ADCY2: variants seen among roughly 807,000 people sequenced by gnomAD.
ADCY2 encodes adenylate cyclase type 2.
In ADCY2, 31 loss-of-function variants were observed where a neutral mutation model predicts 125.2. The ratio of observed to expected loss-of-function variants is 0.25; its 90% CI spans 0.19 to 0.33. The LOEUF (loss-of-function observed/expected upper bound fraction) is 0.33. Among genes scored for constraint, ADCY2 ranks in the 10% least tolerant of loss-of-function variants. The pLI, the probability that ADCY2 is intolerant of heterozygous loss-of-function variation, is 1.00. For synonymous variants in ADCY2, 512 were observed against 548.4 expected, an observed-to-expected ratio of 0.93 and a Z score of 0.93; for missense variants, 904 against 1,418.2, an observed-to-expected ratio of 0.64 and a Z score of 5.82.
chr5:7,629,775 GA>G (rs1157864921), intron 4 of ADCY2, among the ~76,000 whole-genome samples: 7 of 152,158 alleles, frequency 4.6e-5, no homozygotes, highest in Admixed American at 4.6e-4. Context: ...TCAGACCTGA[GA>G]AAACATATTT....
intron 7 of ADCY2, 67 bp downstream of exon 7, chr5:7,698,441 G>A: frequency 1.3e-6 from 2 of 1,559,392 alleles, no homozygotes; most frequent in Non-Finnish European, 1.8e-6. Context: ...TGCACAACGT[G>A]CAGGTTTGTT....
chr5:7,430,233 T>C (rs1363647925), intron 2 of ADCY2, among the ~76,000 whole-genome samples: 1 of 152,078 alleles, frequency 6.6e-6, no homozygotes, highest in Non-Finnish European at 1.5e-5. Context: ...CTATAAAGAA[T>C]GCTCCAGGTC....
chr5:7,820,767 A>T, intron 24 of ADCY2, 78 bp downstream of exon 24: 1 of 1,447,176 alleles, frequency 6.9e-7, no homozygotes, highest in Non-Finnish European at 9.1e-7. Flanking sequence ...TATAATAAGG[A>T]TACTAATATA....
At chr5:7,410,236 A>G (rs1044174562) in intron 1 of ADCY2, among the ~76,000 whole-genome samples, 1 of 152,148 alleles carries the variant, frequency 6.6e-6, no homozygotes, top group Non-Finnish European at 1.5e-5. Context: ...ACTTCAAAGT[A>G]TTTCACTAAA....
At chr5:7,566,002 A>G (rs1347518526) in intron 3 of ADCY2, among the ~76,000 whole-genome samples, 3 of 152,198 alleles carry the variant, frequency 2.0e-5, no homozygotes, top group East Asian at 1.9e-4. Flanking sequence ...ATCTAGCCTT[A>G]TGTTCATAAT....
intron 22 of ADCY2, among the ~76,000 whole-genome samples, chr5:7,805,724 G>A (rs1243716780): frequency 6.6e-6 from 1 of 152,156 alleles, no homozygotes; most frequent in Non-Finnish European, 1.5e-5. Context: ...TGGGGAGAGA[G>A]GCAGCAGGCA....
In ADCY2 at chr5:7,811,450, G is replaced by C. The variant is rs76509228; in HGVS notation, c.2884-5416G>C. ...CGGGAGGCGGAGCTTGCAGTAAGTC[G>C]AGATTCCGCCACTGCACTCCAGCCT... On this transcript the variant is annotated intron_variant, in intron 22 of 24. Transcript: ENST00000338316. 2.4e-3 allele frequency among the ~76,000 whole-genome samples: 363 copies of C among 150,914 alleles called. 3 individuals carry two copies. In the East Asian group the frequency reaches 0.029, roughly 12 times the overall value.
intron 4 of ADCY2, chr5:7,658,262 C>T (rs1436176175): frequency 6.6e-6 from 1 of 152,194 alleles, no homozygotes; most frequent in Non-Finnish European, 1.5e-5. Flanking sequence ...GCTGTCCTCT[C>T]CAGTTTTTCT....
intron 16 of ADCY2, among the ~76,000 whole-genome samples, chr5:7,761,858 G>A (rs1262035445): frequency 1.3e-5 from 2 of 152,138 alleles, no homozygotes; most frequent in East Asian, 1.9e-4. Context: ...CAGTAGCTAC[G>A]ATCCTTTAGA....
intron 2 of ADCY2, among the ~76,000 whole-genome samples, chr5:7,509,376 A>G (rs1191674616): frequency 6.6e-6 from 1 of 152,234 alleles, no homozygotes; most frequent in African/African-American, 2.4e-5. Flanking sequence ...CGCACAGCGT[A>G]GAGGCTGAGG....
At chr5:7,540,268 G>A (rs921802035) in intron 3 of ADCY2, among the ~76,000 whole-genome samples, 4 of 151,428 alleles carry the variant, frequency 2.6e-5, no homozygotes, top group Admixed American at 6.6e-5. Context: ...CAACAAACCC[G>A]CATGGCCCAT....
chr5:7,576,964 T>G (rs138051621), intron 3 of ADCY2, among the ~76,000 whole-genome samples: 50 of 152,352 alleles, frequency 3.3e-4, no homozygotes, highest in African/African-American at 1.2e-3. Context: ...AAAAGGTAAC[T>G]TTCTTACATC....
chr5:7,561,434 C>A (rs747527628), intron 3 of ADCY2, among the ~76,000 whole-genome samples: 2 of 152,018 alleles, frequency 1.3e-5, no homozygotes, highest in African/African-American at 2.4e-5. Flanking sequence ...CAATGGTAAG[C>A]GTTTGGGTAT....
At chr5:7,527,203 C>T (rs548833273) in intron 3 of ADCY2, among the ~76,000 whole-genome samples, 18 of 152,218 alleles carry the variant, frequency 1.2e-4, no homozygotes, top group Non-Finnish European at 2.2e-4. Flanking sequence ...CAGAGGATAT[C>T]AGAGGCTGGG....
intron 4 of ADCY2, chr5:7,685,134 T>G (rs1740475024): frequency 6.6e-6 from 1 of 152,270 alleles, no homozygotes; most frequent in Admixed American, 6.5e-5. Context: ...GGATCCCACT[T>G]GGAGTCTCCT....
chr5:7,480,406 G>T (rs1247474371), intron 2 of ADCY2, among the ~76,000 whole-genome samples: 2 of 152,172 alleles, frequency 1.3e-5, no homozygotes, highest in African/African-American at 2.4e-5. Context: ...ATGTACCATG[G>T]AATACTGTGT....
intron 2 of ADCY2, among the ~76,000 whole-genome samples, chr5:7,518,964 C>A (rs1445633775): frequency 6.6e-6 from 1 of 152,202 alleles, no homozygotes; most frequent in Non-Finnish European, 1.5e-5. Context: ...TTCACACAGG[C>A]TTGCAGAATG....
At chr5:7,614,159 C>T in intron 3 of ADCY2, among the ~76,000 whole-genome samples, 1 of 152,224 alleles carries the variant, frequency 6.6e-6, no homozygotes, top group South Asian at 2.1e-4. Context: ...TGAGTGTCAA[C>T]AGAGACCCCA....
At chr5:7,473,068 T>G (rs2126459563) in intron 2 of ADCY2, among the ~76,000 whole-genome samples, 1 of 152,126 alleles carries the variant, frequency 6.6e-6, no homozygotes, top group South Asian at 2.1e-4. Context: ...GATGGGTTTC[T>G]CAGTGGTCCT....
Sources: gnomAD v4.1 joint callset for allele counts (sites outside exome capture counted in the v4.1 genomes callset) on GRCh38, gnomAD v4.1.1 for gene constraint, MANE v1.5 for transcripts, NCBI Gene and HGNC (gene_info 2026-07-23, HGNC 2026-07-21) for gene names.